LAMA2: variants seen among roughly 807,000 people sequenced by gnomAD.
The protein encoded by LAMA2 is laminin subunit alpha-2.
In LAMA2, 269 loss-of-function variants were observed where a neutral mutation model predicts 364.8. That is an observed-to-expected ratio of 0.74 (90% confidence interval 0.67 to 0.82). The LOEUF (loss-of-function observed/expected upper bound fraction) is 0.82, where lower values mean the gene tolerates loss of function less well. Ranked by LOEUF, LAMA2 falls within the 40% of genes least tolerant of loss-of-function variation. The pLI is 0.00. For synonymous variants in LAMA2, 1,379 were observed against 1,370.6 expected (o/e 1.01, Z -0.14); for missense variants, 3,807 against 3,873.2 (o/e 0.98, Z 0.45).
At chr6:129,224,164 A>G (rs1309586675) in intron 12 of LAMA2, among the ~76,000 whole-genome samples, 4 of 152,148 alleles carry the variant, frequency 2.6e-5, no homozygotes, top group Non-Finnish European at 4.4e-5. Context: ...GTTAGTGTAT[A>G]AGAATGCTTG....
At chr6:128,949,187 G>C (rs1780658744) in intron 1 of LAMA2, among the ~76,000 whole-genome samples, 1 of 152,140 alleles carries the variant, frequency 6.6e-6, no homozygotes, top group South Asian at 2.1e-4. Context: ...ATTTCTCAAG[G>C]ACACGCTCAT....
At chr6:129,015,923 ACTACT>A (rs2114704533) in intron 1 of LAMA2, among the ~76,000 whole-genome samples, 1 of 152,178 alleles carries the variant, frequency 6.6e-6, no homozygotes, top group African/African-American at 2.4e-5. Flanking sequence ...GAGAAAAACC[ACTACT>A]CTTATCTGCA....
intron 22 of LAMA2, among the ~76,000 whole-genome samples, chr6:129,305,837 T>G (rs1482941368): frequency 6.6e-6 from 1 of 152,140 alleles, no homozygotes; most frequent in Non-Finnish European, 1.5e-5. Flanking sequence ...TTTTCCTTAT[T>G]GTCCTGCCTT....
intron 61 of LAMA2, among the ~76,000 whole-genome samples, chr6:129,506,018 A>T (rs1172305641): frequency 6.6e-6 from 1 of 152,160 alleles, no homozygotes; most frequent in African/African-American, 2.4e-5. Flanking sequence ...TGATAATACT[A>T]AACAAAAAGG....
At chr6:129,241,761 T>G (rs1174453699) in intron 12 of LAMA2, among the ~76,000 whole-genome samples, 7 of 152,192 alleles carry the variant, frequency 4.6e-5, no homozygotes, top group Admixed American at 4.6e-4. Context: ...AAGAAGACAC[T>G]TAAAATGTAT....
intron 1 of LAMA2, among the ~76,000 whole-genome samples, chr6:128,937,437 A>AT (rs35018815): frequency 0.071 from 10,654 of 150,270 alleles, 455 homozygotes; most frequent in South Asian, 0.12. Flanking sequence ...TTATTGGGAG[A>AT]TTTTTTTTTC....
intron 58 of LAMA2, among the ~76,000 whole-genome samples, chr6:129,498,523 T>C (rs1343468834): frequency 6.6e-6 from 1 of 152,224 alleles, no homozygotes; most frequent in East Asian, 1.9e-4. Flanking sequence ...AATAATTCAG[T>C]TTCTCAATAA....
Position 129,204,212 on chromosome 6 carries a change from C to T in LAMA2, c.1782+11359C>T, listed in dbSNP as rs10214452. Among the ~76,000 whole-genome samples, 637 of 152,232 alleles carry T rather than the reference C, an allele frequency of 4.2e-3. 8 individuals are homozygous for T. The highest frequency in any genetic ancestry group is 0.013 in the African/African-American group (535 of 41,554). On this transcript the variant is annotated intron_variant, in intron 12 of 64. Transcript: ENST00000421865. ...CAGTTAACCAGATTTGTGAAATACC[C>T]GCAGAGTGTTTTAGACTTTATTTTG...
intron 4 of LAMA2, among the ~76,000 whole-genome samples, chr6:129,107,410 G>C (rs1482209007): frequency 1.3e-5 from 2 of 152,044 alleles, no homozygotes; most frequent in African/African-American, 4.8e-5. Flanking sequence ...ATGAGAGTGG[G>C]GAGCATGAGA....
At chr6:128,961,853 G>A in intron 1 of LAMA2, among the ~76,000 whole-genome samples, 1 of 151,934 alleles carries the variant, frequency 6.6e-6, no homozygotes. Context: ...CAATGGGATA[G>A]TAACGAGGTT....
intron 3 of LAMA2, among the ~76,000 whole-genome samples, chr6:129,075,781 G>C (rs9402099): frequency 1.6e-4 from 25 of 152,246 alleles, no homozygotes; most frequent in Non-Finnish European, 3.1e-4. Flanking sequence ...CTGTTTTAAC[G>C]TGTTATCTTT....
intron 1 of LAMA2, among the ~76,000 whole-genome samples, chr6:128,919,486 C>A (rs1413065957): frequency 6.6e-6 from 1 of 152,136 alleles, no homozygotes; most frequent in Non-Finnish European, 1.5e-5. Context: ...TATGAAACTG[C>A]CCTTTTTGTC....
chr6:129,230,660 A>G (rs950293652), intron 12 of LAMA2, among the ~76,000 whole-genome samples: 3 of 152,138 alleles, frequency 2.0e-5, no homozygotes, highest in African/African-American at 4.8e-5. Context: ...TTAGGGATCT[A>G]TGTGAGTTTA....
chr6:129,189,573 C>T (rs761587024), intron 10 of LAMA2, among the ~76,000 whole-genome samples: 10 of 152,144 alleles, frequency 6.6e-5, no homozygotes, highest in Middle Eastern at 3.4e-3. Context: ...CACTATGTGA[C>T]TAACTGATTG....
chr6:129,262,574 A>G (rs1787208258), intron 15 of LAMA2, among the ~76,000 whole-genome samples: 1 of 152,216 alleles, frequency 6.6e-6, no homozygotes, highest in African/African-American at 2.4e-5. Flanking sequence ...AATCCATAAA[A>G]GAACTTAATT....
intron 9 of LAMA2, among the ~76,000 whole-genome samples, chr6:129,170,386 G>A (rs1174474180): frequency 6.9e-6 from 1 of 145,558 alleles, no homozygotes; most frequent in African/African-American, 2.8e-5. Flanking sequence ...GGGTTTCAAA[G>A]AACATCTTTA....
At chr6:129,128,513 T>C (rs1316080204) in intron 4 of LAMA2, among the ~76,000 whole-genome samples, 2 of 152,234 alleles carry the variant, frequency 1.3e-5, no homozygotes, top group Non-Finnish European at 2.9e-5. Flanking sequence ...TTTAAAATTG[T>C]TTTTTCTATA....
chr6:129,409,971 G>A (rs926977696), intron 40 of LAMA2, among the ~76,000 whole-genome samples: 11 of 152,096 alleles, frequency 7.2e-5, no homozygotes, highest in African/African-American at 2.2e-4. Flanking sequence ...TTTCTATGAC[G>A]TTGACTCCTT....
intron 1 of LAMA2, among the ~76,000 whole-genome samples, chr6:129,028,795 T>C (rs946372938): frequency 7.2e-5 from 11 of 151,920 alleles, no homozygotes; most frequent in African/African-American, 2.4e-4. Flanking sequence ...TTTAAGTTCT[T>C]AATATAATTA....
Sources: gnomAD v4.1 joint callset for allele counts (sites outside exome capture counted in the v4.1 genomes callset) on GRCh38, gnomAD v4.1.1 for gene constraint, MANE v1.5 for transcripts, NCBI Gene and HGNC (gene_info 2026-07-23, HGNC 2026-07-21) for gene names.